ERBB4: variants seen among roughly 807,000 people sequenced by gnomAD.
ERBB4 encodes receptor tyrosine-protein kinase erbB-4.
In ERBB4, 42 loss-of-function variants were observed where a neutral mutation model predicts 158.0. That is an observed-to-expected ratio of 0.27 (90% CI 0.21 to 0.34). The LOEUF (loss-of-function observed/expected upper bound fraction) is 0.34. Ranked by LOEUF, ERBB4 falls within the 10% of genes least tolerant of loss-of-function variation. The probability of loss-of-function intolerance (pLI) is 1.00; values close to 1 mark genes in which losing one functional copy is unlikely to be tolerated. For missense variants in ERBB4, 1,333 were observed against 1,624.1 expected, an observed-to-expected ratio of 0.82 and a Z score of 3.08; for synonymous variants, 583 against 558.7, an observed-to-expected ratio of 1.04 and a Z score of -0.61.
intron 20 of ERBB4, among the ~76,000 whole-genome samples, chr2:211,500,205 C>A (rs1222248142): frequency 6.6e-6 from 1 of 152,056 alleles, no homozygotes; most frequent in East Asian, 1.9e-4. Context: ...TCATTTTGTT[C>A]TAATTTATAG....
intron 4 of ERBB4, among the ~76,000 whole-genome samples, chr2:211,767,327 T>A (rs2075576757): frequency 6.6e-6 from 1 of 152,170 alleles, no homozygotes; most frequent in South Asian, 2.1e-4. Context: ...TGTCATTCAA[T>A]TTTACACAGT....
chr2:212,204,191 T>A (rs1363545160), intron 1 of ERBB4, among the ~76,000 whole-genome samples: 4 of 152,222 alleles, frequency 2.6e-5, no homozygotes, highest in African/African-American at 9.6e-5. Flanking sequence ...TGCCCTCTAC[T>A]TACTAATGAT....
chr2:212,288,962 G>A (rs932286131), intron 1 of ERBB4, among the ~76,000 whole-genome samples: 5 of 152,140 alleles, frequency 3.3e-5, no homozygotes, highest in Admixed American at 6.5e-5. Flanking sequence ...TTCTGGAAGA[G>A]GATAGAGAGT....
intron 2 of ERBB4, among the ~76,000 whole-genome samples, chr2:212,063,297 GAATA>G (rs1355687829): frequency 6.6e-6 from 1 of 151,954 alleles, no homozygotes; most frequent in Admixed American, 6.6e-5. Flanking sequence ...ATTAGCATAA[GAATA>G]AACAGGTCCT....
At chr2:211,829,134 G>A (rs762028912) in intron 3 of ERBB4, among the ~76,000 whole-genome samples, 7 of 152,044 alleles carry the variant, frequency 4.6e-5, no homozygotes, top group Non-Finnish European at 8.8e-5. Flanking sequence ...TCAGCTTAAA[G>A]CACACACAAA....
At position 212,314,453 on chromosome 2, in the gene ERBB4, A is replaced by C. The variant is rs2087184031; in HGVS notation, c.83-189550T>G. ...CATTAAAAAAAAAAAGAAAAGAAAAATGAAACAGTTAAATTAATTCATTAG... is the reference window on the plus strand; with the variant it reads ...CATTAAAAAAAAAAAGAAAAGAAAACTGAAACAGTTAAATTAATTCATTAG... On this transcript the variant is annotated intron_variant, in intron 1 of 27. Coordinates refer to ENST00000342788, the MANE Select transcript of ERBB4 (RefSeq NM_005235.3). Among the ~76,000 whole-genome samples, 6 of 151,112 alleles carry C rather than the reference A, an allele frequency of 4.0e-5. No homozygotes were observed. The South Asian group carries it at 1.2e-3, about 31-fold the overall frequency.
At chr2:212,237,751 G>T (rs1158515864) in intron 1 of ERBB4, among the ~76,000 whole-genome samples, 1 of 152,218 alleles carries the variant, frequency 6.6e-6, no homozygotes, top group African/African-American at 2.4e-5. Context: ...TGTGGCTACT[G>T]CCTTTCTTTC....
chr2:211,872,112 T>C (rs546644371), intron 3 of ERBB4, among the ~76,000 whole-genome samples: 1 of 152,212 alleles, frequency 6.6e-6, no homozygotes, highest in East Asian at 1.9e-4. Flanking sequence ...AGACCAAAAA[T>C]ATCATTCCGT....
At chr2:211,445,497 T>C (rs2064088973) in intron 20 of ERBB4, among the ~76,000 whole-genome samples, 1 of 151,974 alleles carries the variant, frequency 6.6e-6, no homozygotes, top group Non-Finnish European at 1.5e-5. Context: ...AATGACCAGA[T>C]TTATAGGAGA....
chr2:211,807,540 T>C (rs1346553140), intron 3 of ERBB4, among the ~76,000 whole-genome samples: 1 of 152,196 alleles, frequency 6.6e-6, no homozygotes, highest in Non-Finnish European at 1.5e-5. Context: ...ATCCAATCTA[T>C]CATTGATGGA....
At chr2:212,481,778 C>T (rs1401138949) in intron 1 of ERBB4, among the ~76,000 whole-genome samples, 1 of 152,134 alleles carries the variant, frequency 6.6e-6, no homozygotes, top group Non-Finnish European at 1.5e-5. Context: ...TACCCACAAA[C>T]AATACCTGCA....
chr2:212,447,158 G>A (rs1026753470), intron 1 of ERBB4, among the ~76,000 whole-genome samples: 1 of 151,672 alleles, frequency 6.6e-6, no homozygotes, highest in African/African-American at 2.4e-5. Context: ...CACCATGCCC[G>A]GCTAATTTTT....
rs575707475 is a variant in ERBB4 at position 212,349,321 on chromosome 2, A to C, written c.82+189128T>G. Among the ~76,000 whole-genome samples, 7 of 145,088 alleles carry C rather than the reference A, an allele frequency of 4.8e-5. No homozygotes were observed. The South Asian group carries it at 1.1e-3, about 23-fold the overall frequency. ...CACACACACACACACACACACACAC[A>C]CCCTTCAAGTGTTTGACAGCCCTGC... On this transcript the variant is annotated intron_variant, in intron 1 of 27. Coordinates refer to ENST00000342788, the MANE Select transcript of ERBB4 (RefSeq NM_005235.3).
chr2:211,701,359 T>C (rs2106031617), intron 12 of ERBB4, among the ~76,000 whole-genome samples: 1 of 152,154 alleles, frequency 6.6e-6, no homozygotes, highest in South Asian at 2.1e-4. Flanking sequence ...TCTCCACAAA[T>C]TGATTGGATC....
Position 211,381,194 on chromosome 2 carries a change from C to A in ERBB4, c.*2421G>T. On this transcript the variant is annotated 3_prime_UTR_variant, in exon 28 of 28. Transcript: ENST00000342788. ...TAGAAGGAATCTCACAAACCCTTCTCCTGCTCTACCATACTTTTTCAGCTC... is the reference window on the plus strand; with the variant it reads ...TAGAAGGAATCTCACAAACCCTTCTACTGCTCTACCATACTTTTTCAGCTC... 4.3e-6 allele frequency: 1 copy of A among 232,448 alleles called. No homozygotes were observed. The highest frequency in any genetic ancestry group is 2.2e-5 in the African/African-American group (1 of 45,414). 14.4% of individuals were successfully genotyped at this position (232,448 alleles called of 1,614,324 possible).
intron 3 of ERBB4, among the ~76,000 whole-genome samples, chr2:211,895,326 T>C (rs1447247403): frequency 6.6e-6 from 1 of 152,208 alleles, no homozygotes; most frequent in African/African-American, 2.4e-5. Flanking sequence ...GGTACAATCA[T>C]GGCTCACTTC....
chr2:211,402,405 CT>C (rs1169372009), intron 25 of ERBB4, among the ~76,000 whole-genome samples: 2 of 151,972 alleles, frequency 1.3e-5, no homozygotes, highest in Non-Finnish European at 2.9e-5. Flanking sequence ...TAGGACTGAT[CT>C]TTTAAATTCT....
At chr2:212,031,802 G>A (rs944495466) in intron 2 of ERBB4, among the ~76,000 whole-genome samples, 2 of 152,050 alleles carry the variant, frequency 1.3e-5, no homozygotes, top group African/African-American at 4.8e-5. Flanking sequence ...AAAATTTTTA[G>A]AGAAGTCATT....
chr2:212,002,731 GT>G (rs2076134910), intron 2 of ERBB4, among the ~76,000 whole-genome samples: 1 of 152,030 alleles, frequency 6.6e-6, no homozygotes, highest in Non-Finnish European at 1.5e-5. Flanking sequence ...ATATGAATTT[GT>G]TATGAATAAA....
Sources: gnomAD v4.1 joint callset for allele counts (sites outside exome capture counted in the v4.1 genomes callset) on GRCh38, gnomAD v4.1.1 for gene constraint, MANE v1.5 for transcripts, NCBI Gene and HGNC (gene_info 2026-07-23, HGNC 2026-07-21) for gene names.